KCNK2: variants seen among roughly 807,000 people sequenced by gnomAD.
KCNK2 encodes potassium channel subfamily K member 2.
KCNK2 carries 21 observed loss-of-function variants against 40.5 expected under a neutral mutation model. That is an observed-to-expected ratio of 0.52 (90% CI 0.37 to 0.75). The LOEUF (loss-of-function observed/expected upper bound fraction) is 0.75. Ranked by LOEUF, KCNK2 falls within the 30% of genes least tolerant of loss-of-function variation. KCNK2 has a pLI of 0.00. For missense variants in KCNK2, 399 were observed against 531.6 expected (o/e 0.75, Z 2.45); for synonymous variants, 191 against 202.2 (o/e 0.94, Z 0.47).
rs572843492 is a variant in KCNK2 at position 215,033,988 on chromosome 1, C to T, written c.34+28033C>T. Among the ~76,000 whole-genome samples, 5 of 152,276 alleles carry T rather than the reference C, an allele frequency of 3.3e-5. No homozygotes were observed. In the East Asian group the frequency reaches 9.7e-4, roughly 29 times the overall value. ...TGTCTACACTATGTCTTCAGTAATTCATCAATTACATTTCAGGTTTCCCTA... is the reference window on the plus strand; with the variant it reads ...TGTCTACACTATGTCTTCAGTAATTTATCAATTACATTTCAGGTTTCCCTA... On this transcript the variant is annotated intron_variant, in intron 1 of 6. Transcript: ENST00000391895.
chr1:215,061,887 T>C (rs1658373395), intron 1 of KCNK2, among the ~76,000 whole-genome samples: 1 of 151,984 alleles, frequency 6.6e-6, no homozygotes, highest in Non-Finnish European at 1.5e-5. Context: ...TGTCTAAGGG[T>C]AGGAGGAATA....
chr1:215,207,180 A>G (rs1250604332), intron 6 of KCNK2, among the ~76,000 whole-genome samples: 5 of 152,194 alleles, frequency 3.3e-5, no homozygotes, highest in African/African-American at 1.2e-4. Flanking sequence ...GTACTGGTCC[A>G]TGGTCTGTTA....
chr1:215,022,804 T>G (rs1424995740), intron 1 of KCNK2, among the ~76,000 whole-genome samples: 2 of 152,160 alleles, frequency 1.3e-5, no homozygotes, highest in Non-Finnish European at 2.9e-5. Flanking sequence ...CTTTATCTTG[T>G]CTAAAATGGG....
chr1:215,199,825 A>G (rs569179607), intron 6 of KCNK2, among the ~76,000 whole-genome samples: 177 of 152,342 alleles, frequency 1.2e-3, no homozygotes, highest in Non-Finnish European at 1.8e-3. Flanking sequence ...GTGCTTGCTT[A>G]GGAGGAAAGC....
At chr1:215,167,506 A>G (rs1663500809) in intron 3 of KCNK2, among the ~76,000 whole-genome samples, 1 of 152,176 alleles carries the variant, frequency 6.6e-6, no homozygotes, top group Non-Finnish European at 1.5e-5. Flanking sequence ...ATATGTGTAG[A>G]CAGTGCTTCT....
chr1:215,118,817 C>A (rs958637133), intron 2 of KCNK2, among the ~76,000 whole-genome samples: 2 of 152,000 alleles, frequency 1.3e-5, no homozygotes, highest in Admixed American at 6.6e-5. Context: ...GGTGTTAACC[C>A]CTTGTACCTG....
intron 2 of KCNK2, among the ~76,000 whole-genome samples, chr1:215,087,149 A>C (rs1659481441): frequency 1.3e-5 from 2 of 152,238 alleles, no homozygotes; most frequent in South Asian, 4.1e-4. Flanking sequence ...AGTGGCCATC[A>C]TAAGATAGAA....
chr1:215,117,471 A>G (rs1399019197), intron 2 of KCNK2, among the ~76,000 whole-genome samples: 1 of 152,146 alleles, frequency 6.6e-6, no homozygotes, highest in African/African-American at 2.4e-5. Context: ...TTTCCTGTTC[A>G]TGGAAATTAG....
intron 6 of KCNK2, among the ~76,000 whole-genome samples, chr1:215,210,243 C>T (rs925236504): frequency 2.0e-5 from 3 of 150,556 alleles, no homozygotes; most frequent in African/African-American, 7.3e-5. Context: ...GTCATTTCTA[C>T]CACACTTTGA....
intron 1 of KCNK2, among the ~76,000 whole-genome samples, chr1:215,020,537 T>C (rs1344347700): frequency 1.3e-5 from 2 of 152,164 alleles, no homozygotes; most frequent in Non-Finnish European, 2.9e-5. Flanking sequence ...GCGATTATTG[T>C]GCCTCAGCCT....
chr1:215,135,090 A>G (rs1661843193), intron 3 of KCNK2, among the ~76,000 whole-genome samples: 1 of 152,180 alleles, frequency 6.6e-6, no homozygotes, highest in African/African-American at 2.4e-5. Flanking sequence ...CCTAATTAGC[A>G]TTATACTACA....
intron 6 of KCNK2, among the ~76,000 whole-genome samples, chr1:215,202,638 A>G (rs945513496): frequency 2.0e-5 from 3 of 152,206 alleles, no homozygotes; most frequent in African/African-American, 4.8e-5. Context: ...CAAAATGTAT[A>G]CTAAAAATGA....
chr1:215,208,833 T>G (rs1395315664), intron 6 of KCNK2, among the ~76,000 whole-genome samples: 1 of 152,004 alleles, frequency 6.6e-6, no homozygotes, highest in Non-Finnish European at 1.5e-5. Context: ...TGCCTATTCT[T>G]CTGTTTTGTT....
In KCNK2 at chr1:215,235,118, G is replaced by T; in HGVS notation, c.1254G>T (p.Glu418Asp). ...NGLTPHCAGE[E>D]IAVIENIK is the part of the protein sequence containing the mutation. ...TGACGCCACACTGTGCTGGTGAAGA[G>T]ATTGCTGTGATTGAGAACATCAAAT... Residue 418 changes from glutamate (E) to aspartate (D), a missense_variant, in exon 7 of 7, where the codon GAG becomes GAT. Transcript: ENST00000444842. 6.3e-7 allele frequency: 1 copy of T among 1,598,756 alleles called. No individual in the cohort carries two copies. Among genetic ancestry groups the T allele is most frequent in the African/African-American group, 1.3e-5 (1 of 74,772 alleles).
intron 1 of KCNK2, among the ~76,000 whole-genome samples, chr1:215,008,781 C>G (rs995856937): frequency 6.6e-6 from 1 of 152,180 alleles, no homozygotes; most frequent in South Asian, 2.1e-4. Flanking sequence ...TATCTATTCT[C>G]CACCTAATAG....
intron 6 of KCNK2, among the ~76,000 whole-genome samples, chr1:215,233,338 T>A (rs1224230245): frequency 1.3e-5 from 2 of 152,112 alleles, no homozygotes; most frequent in East Asian, 3.9e-4. Flanking sequence ...AAAAAATAGA[T>A]CCCCAAATGT....
intron 6 of KCNK2, among the ~76,000 whole-genome samples, chr1:215,217,530 C>T (rs1323369452): frequency 1.3e-5 from 2 of 152,110 alleles, no homozygotes; most frequent in African/African-American, 2.4e-5. Context: ...TCCTTTCACA[C>T]TCTTAAACTC....
chr1:215,169,576 T>G (rs759239751), intron 4 of KCNK2, among the ~76,000 whole-genome samples: 6 of 151,946 alleles, frequency 3.9e-5, no homozygotes, highest in African/African-American at 9.7e-5. Context: ...CTCAAAAGTA[T>G]AAACAGAAAA....
chr1:215,141,985 T>C (rs1289440484), intron 3 of KCNK2, among the ~76,000 whole-genome samples: 1 of 152,130 alleles, frequency 6.6e-6, no homozygotes, highest in Non-Finnish European at 1.5e-5. Context: ...ATATTTCATT[T>C]GTCTTTTGAA....
Sources: gnomAD v4.1 joint callset for allele counts (sites outside exome capture counted in the v4.1 genomes callset) on GRCh38, gnomAD v4.1.1 for gene constraint, MANE v1.5 for transcripts, NCBI Gene and HGNC (gene_info 2026-07-23, HGNC 2026-07-21) for gene names.